ATP5ME: variants seen among roughly 807,000 people sequenced by gnomAD.
ATP5ME encodes the protein ATP synthase F(0) complex subunit e, mitochondrial.
In ATP5ME, 10 loss-of-function variants were observed where a neutral mutation model predicts 11.6. The observed-to-expected ratio is 0.86, with a 90% CI of 0.53 to 1.46. ATP5ME has a LOEUF of 1.46. ATP5ME is among the 40% of genes most tolerant of loss of function. The pLI is 0.00. For synonymous variants in ATP5ME, 45 were observed against 33.5 expected, an observed-to-expected ratio of 1.34 and a Z score of -1.19; for missense variants, 115 against 85.4, an observed-to-expected ratio of 1.35 and a Z score of -1.37.
In ATP5ME at chr4:673,497, C is replaced by G. The variant is rs542231255; in HGVS notation, c.92-96G>C. 2.7e-5 allele frequency: 43 copies of G among 1,586,492 alleles called. 1 individual carries two copies. In the African/African-American group the frequency reaches 5.5e-4, roughly 20 times the overall value. On this transcript the variant is annotated intron_variant, in intron 2 of 3. Coordinates refer to ENST00000304312, the MANE Select transcript of ATP5ME (RefSeq NM_007100.4). The stretch of plus-strand genomic sequence containing the variant: ...AAGGTATCTTCAGCGACGCTGTAAA[C>G]CAGACGCACCTGCTGTTCCCGCTCT...
At chr4:673,837 A>C in intron 2 of ATP5ME, 75 bp downstream of exon 2, 1 of 1,520,508 alleles carries the variant, frequency 6.6e-7, no homozygotes, top group Non-Finnish European at 8.9e-7. Context: ...CCAGAGCTGG[A>C]GTTCTCCAAA....
intron 1 of ATP5ME, 109 bp downstream of exon 1, chr4:674,103 G>C (rs1212813204): frequency 7.4e-7 from 1 of 1,346,322 alleles, no homozygotes; most frequent in Non-Finnish European, 1.0e-6. Flanking sequence ...GTCACGGGGC[G>C]AGGATCATGG....
chr4:672,612 T>TG lies in ATP5ME; in HGVS notation c.191-94_191-93insC. ...TTCCCAGTTATTTTTTTTTTTTTTTTTTTTGTTTTGAGACGGAGTCTCGCT... is the reference window on the plus strand; with the variant it reads ...TTCCCAGTTATTTTTTTTTTTTTTTTGTTTTGTTTTGAGACGGAGTCTCGCT... On this transcript the variant is annotated intron_variant, in intron 3 of 3. Coordinates refer to ENST00000304312, the MANE Select transcript of ATP5ME (RefSeq NM_007100.4). 7.6e-6 allele frequency: 11 copies of TG among 1,456,044 alleles called. No homozygotes were observed. In the East Asian group the frequency reaches 1.9e-4, roughly 25 times the overall value. 90.2% of individuals were successfully genotyped at this position (1,456,044 alleles called of 1,614,324 possible).
chr4:673,339 CCTG>C lies in ATP5ME; in HGVS notation c.151_153del (p.Gln51del), dbSNP rs1477861799. The stretch of plus-strand genomic sequence containing the variant: ...TCTCTGGCAATCCGTTTCAGTTCAT[CCTG>C]CTTCTTCTTCTCTTCTGCTGCTATC... On this transcript the variant is annotated inframe_deletion, in exon 3 of 4. Transcript: ENST00000304312. 1.2e-6 allele frequency: 2 copies of C among 1,614,222 alleles called. No individual in the cohort carries two copies. Among genetic ancestry groups the C allele is most frequent in the Non-Finnish European group, 1.7e-6 (2 of 1,180,016 alleles).
At chr4:673,501 ACGCACCTGCTGTTCC>A in intron 2 of ATP5ME, 100 bp from the exon 3 acceptor site, 1 of 1,581,766 alleles carries the variant, frequency 6.3e-7, no homozygotes, top group Non-Finnish European at 8.6e-7. Context: ...TGTAAACCAG[ACGCACCTGCTGTTCC>A]CGCTCTTTAT....
rs981888645 is a variant in ATP5ME, at chr4:672,451, G to A, written c.*49C>T. On this transcript the variant is annotated 3_prime_UTR_variant, in exon 4 of 4. Transcript: ENST00000304312. ...GGAGCCGGAGTATCACACAACACAG[G>A]AAGCTTTATTCATCCGCTGCTGGTC... 1 of 1,612,482 alleles carries A rather than the reference G, an allele frequency of 6.2e-7. No individual in the cohort carries two copies. Among genetic ancestry groups the A allele is most frequent in the South Asian group, 1.1e-5 (1 of 90,880 alleles).
intron 3 of ATP5ME, 111 bp from the exon 4 acceptor site, chr4:672,630 G>A (rs1260451076): frequency 3.3e-6 from 4 of 1,215,290 alleles, no homozygotes; most frequent in African/African-American, 3.2e-5. Context: ...TTGAGACGGA[G>A]TCTCGCTCTG....
chr4:673,180 G>T, intron 3 of ATP5ME, 123 bp downstream of exon 3: 2 of 1,482,010 alleles, frequency 1.3e-6, no homozygotes, highest in East Asian at 2.4e-5. Context: ...ACCACGCCTG[G>T]CCAGCTTCCC....
intron 3 of ATP5ME, 124 bp downstream of exon 3, chr4:673,179 G>T: frequency 1.4e-6 from 2 of 1,477,698 alleles, no homozygotes; most frequent in Non-Finnish European, 9.1e-7. Flanking sequence ...CACCACGCCT[G>T]GCCAGCTTCC....
At position 673,370 on chromosome 4, in the gene ATP5ME, C is replaced by G. The variant is rs776161747; in HGVS notation, c.123G>C (p.Arg41Ser). Reference sequence around the variant, plus strand: ...TCTTCTTCTCTTCTGCTGCTATCCTCCTCTCCTCTTCTGCCCGAGGTTTTA... The same window carrying G: ...TCTTCTTCTCTTCTGCTGCTATCCTGCTCTCCTCTTCTGCCCGAGGTTTTA... ...NYLKPRAEEE[R>S]RIAAEEKKKQ... is the part of the protein sequence containing the mutation. The change falls in exon 3 of 4, where the codon AGG becomes AGC. Residue 41 changes from arginine to serine, a missense_variant. Coordinates refer to ENST00000304312, the MANE Select transcript of ATP5ME (RefSeq NM_007100.4). 2.2e-5 allele frequency: 36 copies of G among 1,614,046 alleles called. No homozygotes were observed. The highest frequency in any genetic ancestry group is 2.8e-5 in the Non-Finnish European group (33 of 1,180,004).
intron 2 of ATP5ME, 79 bp downstream of exon 2, chr4:673,833 C>G: frequency 6.6e-7 from 1 of 1,516,272 alleles, no homozygotes; most frequent in East Asian, 2.5e-5. Context: ...CCTTCCAGAG[C>G]TGGAGTTCTC....
At chr4:673,991 GGCGCGAAACGGGGC>G (rs900779019) in intron 1 of ATP5ME, 25 bp from the exon 2 acceptor site, 2 of 1,542,280 alleles carry the variant, frequency 1.3e-6, no homozygotes, top group African/African-American at 2.7e-5. Flanking sequence ...GGTCAGAGGC[GGCGCGAAACGGGGC>G]TCGCGGGACG....
At chr4:672,569 TA>T in intron 3 of ATP5ME, 50 bp from the exon 4 acceptor site, 1 of 1,555,008 alleles carries the variant, frequency 6.4e-7, no homozygotes, top group Non-Finnish European at 8.8e-7. Context: ...TCAGGCAACC[TA>T]AAAAGACCAC....
In ATP5ME at chr4:673,975, G is replaced by C. The variant is rs536582327; in HGVS notation, c.37-9C>G. ...GCGGAGTAGCGGCCGAGCTGCGAAA[G>C]AGGTTGGTCAGAGGCGGCGCGAAAC... On this transcript the variant is annotated splice_polypyrimidine_tract_variant and intron_variant, in intron 1 of 3. Coordinates refer to ENST00000304312, the MANE Select transcript of ATP5ME (RefSeq NM_007100.4). 4.2e-5 allele frequency: 65 copies of C among 1,544,620 alleles called. No individual in the cohort carries two copies. The highest frequency in any genetic ancestry group is 3.4e-4 in the Middle Eastern group (2 of 5,906).
At chr4:674,039 G>A in intron 1 of ATP5ME, 73 bp from the exon 2 acceptor site, 3 of 1,515,884 alleles carry the variant, frequency 2.0e-6, no homozygotes, top group South Asian at 2.4e-5. Context: ...GAGGGGGGGC[G>A]GGGTCGCTGG....
chr4:674,171 G>C, intron 1 of ATP5ME, 41 bp downstream of exon 1: 3 of 1,602,180 alleles, frequency 1.9e-6, no homozygotes, highest in Non-Finnish European at 2.6e-6. Context: ...GGACACGGGG[G>C]GGCCCAGAGC....
At position 673,449 on chromosome 4, in the gene ATP5ME, A is replaced by C. The variant is rs201475846; in HGVS notation, c.92-48T>G. On this transcript the variant is annotated intron_variant, in intron 2 of 3. Coordinates refer to ENST00000304312, the MANE Select transcript of ATP5ME (RefSeq NM_007100.4). ...ATAAAATTCACTGGAAATGCTGTAC[A>C]AAAGGAACTGAGTCCACAGGTCAAG... The C allele has an allele frequency of 5.2e-5, 84 of 1,613,244 alleles. No individual in the cohort carries two copies. In the Admixed American group the frequency reaches 1.3e-3, roughly 25 times the overall value.
intron 2 of ATP5ME, 114 bp from the exon 3 acceptor site, chr4:673,515 C>A: frequency 6.5e-7 from 1 of 1,546,798 alleles, no homozygotes; most frequent in Middle Eastern, 2.2e-4. Flanking sequence ...ACCTGCTGTT[C>A]CCGCTCTTTA....
intron 1 of ATP5ME, 105 bp from the exon 2 acceptor site, chr4:674,071 G>A: frequency 6.8e-7 from 1 of 1,463,664 alleles, no homozygotes. Flanking sequence ...AGGAGGGGTG[G>A]GGGTCCGGTC....
Sources: allele counts gnomAD v4.1 joint callset, GRCh38; gene constraint gnomAD v4.1.1; transcripts MANE v1.5; gene names NCBI Gene and HGNC (gene_info 2026-07-23, HGNC 2026-07-21).